LSS: variants seen among roughly 807,000 people sequenced by gnomAD.
LSS encodes the protein lanosterol synthase.
A neutral mutation model predicts 110.3 loss-of-function variants in LSS; 90 were observed. That is an observed-to-expected ratio of 0.82 (90% CI 0.69 to 0.97). The LOEUF is 0.97. Ranked by LOEUF, LSS falls within the 50% of genes least tolerant of loss-of-function variation. LSS has a pLI of 0.00. For missense variants in LSS, 927 were observed against 990.0 expected, an observed-to-expected ratio of 0.94 and a Z score of 0.85; for synonymous variants, 433 against 400.0, an observed-to-expected ratio of 1.08 and a Z score of -0.98.
intron 6 of LSS, 73 bp downstream of exon 6, chr21:46,219,403 A>T (rs1411449394): frequency 9.3e-7 from 1 of 1,074,846 alleles, no homozygotes; most frequent in Admixed American, 2.6e-5. Flanking sequence ...CCTGCACCTG[A>T]CCCACGGTCC....
chr21:46,191,974 G>A lies in LSS; in HGVS notation c.1989-15C>T, dbSNP rs371215785. The A allele has an allele frequency of 6.3e-7, 1 of 1,599,428 alleles. No homozygotes were observed. Among genetic ancestry groups the A allele is most frequent in the Non-Finnish European group, 8.6e-7 (1 of 1,167,754 alleles). On this transcript the variant is annotated splice_polypyrimidine_tract_variant and intron_variant, in intron 20 of 21. Coordinates refer to ENST00000397728, the MANE Select transcript of LSS (RefSeq NM_002340.6). The stretch of plus-strand genomic sequence containing the variant: ...TGTCAGGATGCCTGGTGGAAGAGAA[G>A]GCTGAAACACACCCAGCATGCATGC...
Position 46,216,831 on chromosome 21 carries a change from A to G in LSS, c.648-307T>C, listed in dbSNP as rs1303664876. On this transcript the variant is annotated intron_variant, in intron 6 of 21. Coordinates refer to ENST00000397728, the MANE Select transcript of LSS (RefSeq NM_002340.6). This position sits in a 1 kb window ranked among gnomAD's most constrained non-coding sequence, Gnocchi z 4.2. The stretch of plus-strand genomic sequence containing the variant: ...GCTACAACAAACGTACCTTGGTAAC[A>G]TAAAACATCAACAATGGGGATATGG... Among the ~76,000 whole-genome samples the G allele has an allele frequency of 6.6e-6, 1 of 152,234 alleles. No homozygotes were observed. Among genetic ancestry groups the G allele is most frequent in the Non-Finnish European group, 1.5e-5 (1 of 68,044 alleles).
At chr21:46,192,034 G>T in intron 20 of LSS, 75 bp from the exon 21 acceptor site, 1 of 1,111,826 alleles carries the variant, frequency 9.0e-7, no homozygotes, top group Non-Finnish European at 1.4e-6. Flanking sequence ...ACACAGCCGA[G>T]CATAAGGGCA....
chr21:46,205,319 A>G (rs1020614847), intron 17 of LSS, among the ~76,000 whole-genome samples: 7 of 149,774 alleles, frequency 4.7e-5, no homozygotes, highest in African/African-American at 1.7e-4. Flanking sequence ...AGGAGAAGGC[A>G]ACACGAATTC....
At chr21:46,206,006 G>A (rs1390935547) in intron 16 of LSS, 65 bp from the exon 17 acceptor site, 16 of 1,246,488 alleles carry the variant, frequency 1.3e-5, no homozygotes, top group South Asian at 7.7e-5. Context: ...CTGCAGCTCA[G>A]GCAAAGCCAC....
At position 46,210,756 on chromosome 21, in the gene LSS, G is replaced by C; in HGVS notation, c.1138-12C>G. 3 of 1,613,652 alleles carry C rather than the reference G, an allele frequency of 1.9e-6. No individual in the cohort carries two copies. The highest frequency in any genetic ancestry group is 2.5e-6 in the Non-Finnish European group (3 of 1,179,746). On this transcript the variant is annotated splice_polypyrimidine_tract_variant and intron_variant, in intron 11 of 21. Transcript: ENST00000397728. ...GAGCCGTTGGTGCCCTACACACAAAGGATGGTGTTACAGCAGCAGATGCAG... is the reference window on the plus strand; with the variant it reads ...GAGCCGTTGGTGCCCTACACACAAACGATGGTGTTACAGCAGCAGATGCAG...
intron 20 of LSS, chr21:46,193,064 C>G (rs1569015554): frequency 2.3e-6 from 1 of 433,504 alleles, no homozygotes; most frequent in South Asian, 1.6e-5. Flanking sequence ...GTACGTATGT[C>G]TGTGTGTGGC....
intron 19 of LSS, 78 bp downstream of exon 19, chr21:46,195,598 A>C (rs2079898575): frequency 7.6e-7 from 1 of 1,320,862 alleles, no homozygotes; most frequent in Non-Finnish European, 1.1e-6. Flanking sequence ...CCTAAAACCA[A>C]ATGTCAAAGC....
At chr21:46,222,183 C>T in intron 4 of LSS, 1 of 585,258 alleles carries the variant, frequency 1.7e-6, no homozygotes, top group Admixed American at 3.0e-5. Context: ...CCACTCCTTC[C>T]TCACCGTGAC....
At chr21:46,191,513 G>A (rs1160857125) in intron 21 of LSS, among the ~76,000 whole-genome samples, 1 of 152,166 alleles carries the variant, frequency 6.6e-6, no homozygotes, top group African/African-American at 2.4e-5. Flanking sequence ...CATCCCAGGG[G>A]AGGGCGGTTG....
chr21:46,215,450 C>T (rs1046654137), intron 8 of LSS, 152 bp from the exon 9 acceptor site: 75 of 641,886 alleles, frequency 1.2e-4, no homozygotes, highest in Non-Finnish European at 2.0e-4. Flanking sequence ...CTTCCCTGCC[C>T]AGGAGGGGCT....
chr21:46,213,177 C>T (rs1296094624), intron 10 of LSS, 125 bp from the exon 11 acceptor site: 1 of 877,228 alleles, frequency 1.1e-6, no homozygotes, highest in Non-Finnish European at 1.9e-6. Context: ...CTGGCACTGG[C>T]CTGGATGCCA....
intron 15 of LSS, 84 bp from the exon 16 acceptor site, chr21:46,206,852 C>A: frequency 1.0e-6 from 1 of 991,778 alleles, no homozygotes; most frequent in South Asian, 1.3e-5. Context: ...TCTCTAGAGG[C>A]AACACTAGGG....
chr21:46,220,723 T>G (rs532772072), intron 5 of LSS, among the ~76,000 whole-genome samples: 2 of 151,870 alleles, frequency 1.3e-5, no homozygotes, highest in African/African-American at 4.8e-5. Flanking sequence ...CCTCAGGGCC[T>G]ATAGGCAAGA....
Position 46,215,779 on chromosome 21 carries a change from C to T in LSS, c.798G>A (p.Glu266=), listed in dbSNP as rs2080199210. 6.2e-7 allele frequency: 1 copy of T among 1,611,268 alleles called. No homozygotes were observed. The highest frequency in any genetic ancestry group is 8.5e-7 in the Non-Finnish European group (1 of 1,178,296). The part of the protein sequence containing the change: ...VQSLRQELYV[E]DFASIDWLAQ... ...CCAGCCAGTCAATGCTGGCGAAGTC[C>T]TCCACATAGAGCTCCTGGTGGGGGC... The change falls in exon 8 of 22, where the codon GAG becomes GAA. Residue 266 remains glutamate, a synonymous_variant. Transcript: ENST00000397728.
rs747482961 is a variant in LSS at position 46,210,782 on chromosome 21, C to T, written c.1138-38G>A. ...GATGGTGTTACAGCAGCAGATGCAG[C>T]CCCTCCCACTCCCAGCCACTGCCTC... On this transcript the variant is annotated intron_variant, in intron 11 of 21. Transcript: ENST00000397728. 3.1e-6 allele frequency: 5 copies of T among 1,599,340 alleles called. No individual in the cohort carries two copies. The East Asian group carries it at 8.9e-5, about 29-fold the overall frequency.
At chr21:46,221,349 T>C (rs1362185891) in intron 5 of LSS, among the ~76,000 whole-genome samples, 1 of 65,090 alleles carries the variant, frequency 1.5e-5, no homozygotes, top group Non-Finnish European at 2.9e-5. Context: ...CCTGGTTGTC[T>C]TAGTTTGCTT....
intron 12 of LSS, among the ~76,000 whole-genome samples, chr21:46,210,275 C>T (rs557697171): frequency 1.3e-5 from 2 of 152,122 alleles, no homozygotes; most frequent in South Asian, 2.1e-4. Flanking sequence ...ACCATCTTGG[C>T]CAGGCTGGTC....
At position 46,216,619 on chromosome 21, in the gene LSS, T is replaced by C; in HGVS notation, c.648-95A>G. 1 of 1,401,718 alleles carries C rather than the reference T, an allele frequency of 7.1e-7. No homozygotes were observed. The highest frequency in any genetic ancestry group is 9.4e-7 in the Non-Finnish European group (1 of 1,058,750). The allele number at this position is 1,401,718 out of a possible 1,614,324, so 86.8% of individuals were successfully genotyped here. A position where few individuals can be genotyped will look rare whatever the true frequency, so the allele number is the denominator to read the frequency against. On this transcript the variant is annotated intron_variant, in intron 6 of 21. Coordinates refer to ENST00000397728, the MANE Select transcript of LSS (RefSeq NM_002340.6). The surrounding 1 kb of genome is among the most constrained non-coding windows in gnomAD (Gnocchi z 4.2). Reference sequence around the variant, plus strand: ...CTTGGGCCCTTTCAAGCACGAACACTGGTGGATGGCTATTCCCCACCACGT... The same window carrying C: ...CTTGGGCCCTTTCAAGCACGAACACCGGTGGATGGCTATTCCCCACCACGT...
Sources: allele counts gnomAD v4.1 joint callset (sites outside exome capture counted in the v4.1 genomes callset), GRCh38; gene constraint gnomAD v4.1.1; non-coding constraint Gnocchi (gnomAD v3.1); transcripts MANE v1.5; gene names NCBI Gene and HGNC (gene_info 2026-07-23, HGNC 2026-07-21).